Variants in NPY2R observed in about 807,000 individuals in gnomAD.
NPY2R encodes neuropeptide Y receptor type 2.
Under a neutral mutation model 22.3 loss-of-function variants are expected in NPY2R, and 17 were observed. That is an observed-to-expected ratio of 0.76 (90% confidence interval 0.52 to 1.14). The LOEUF (loss-of-function observed/expected upper bound fraction) is 1.14, where lower values mean the gene tolerates loss of function less well. NPY2R is among the 50% of genes most tolerant of loss of function. The pLI, the probability that NPY2R is intolerant of heterozygous loss-of-function variation, is 0.00. For missense variants in NPY2R, 424 were observed against 467.9 expected, an observed-to-expected ratio of 0.91 and a Z score of 0.87; for synonymous variants, 209 against 183.4, an observed-to-expected ratio of 1.14 and a Z score of -1.13.
chr4:155,190,885 CA>C, the NPY2R span, among the ~76,000 whole-genome samples: 1 of 151,898 alleles, frequency 6.6e-6, no homozygotes, highest in African/African-American at 2.4e-5. Flanking sequence ...CATTGTTACA[CA>C]AAAAGCATTT....
the NPY2R span, among the ~76,000 whole-genome samples, chr4:155,183,373 T>C: frequency 6.6e-6 from 1 of 152,160 alleles, no homozygotes; most frequent in Non-Finnish European, 1.5e-5. Flanking sequence ...TATTTCCAAA[T>C]GACTTTGCAT....
At chr4:155,191,988 G>A in the NPY2R span, among the ~76,000 whole-genome samples, 1 of 151,850 alleles carries the variant, frequency 6.6e-6, no homozygotes, top group Non-Finnish European at 1.5e-5. Context: ...ACCACTTTAT[G>A]CATCATTGTA....
At chr4:155,193,517 C>T in the NPY2R span, among the ~76,000 whole-genome samples, 58 of 151,966 alleles carry the variant, frequency 3.8e-4, no homozygotes, top group Middle Eastern at 3.4e-3. Context: ...GTCCTTGAGT[C>T]AGAGGGAAAT....
the NPY2R span, among the ~76,000 whole-genome samples, chr4:155,174,485 T>TATATA: frequency 1.4e-4 from 6 of 41,672 alleles, no homozygotes; most frequent in African/African-American, 3.8e-4. Flanking sequence ...TATATATATA[T>TATATA]TTTTTTTTTT....
chr4:155,192,133 G>T, the NPY2R span, among the ~76,000 whole-genome samples: 6 of 151,772 alleles, frequency 4.0e-5, no homozygotes, highest in African/African-American at 1.5e-4. Flanking sequence ...TCATGAAACT[G>T]CAAAATAATT....
At chr4:155,173,827 C>A in the NPY2R span, 4 of 151,942 alleles carry the variant, frequency 2.6e-5, no homozygotes, top group Admixed American at 2.0e-4. Context: ...CTCTTTTAAG[C>A]AGTATCTTTT....
At chr4:155,193,891 G>A in the NPY2R span, among the ~76,000 whole-genome samples, 4 of 151,858 alleles carry the variant, frequency 2.6e-5, no homozygotes, top group Admixed American at 1.3e-4. Flanking sequence ...AACCTGTCTC[G>A]TGTTCTCAAG....
the NPY2R span, among the ~76,000 whole-genome samples, chr4:155,188,697 AAGG>A: frequency 6.6e-6 from 1 of 152,138 alleles, no homozygotes; most frequent in Non-Finnish European, 1.5e-5. Flanking sequence ...AACAGCTAGC[AAGG>A]AGATGAAGCT....
the NPY2R span, among the ~76,000 whole-genome samples, chr4:155,187,352 G>T: frequency 6.6e-6 from 1 of 152,132 alleles, no homozygotes; most frequent in African/African-American, 2.4e-5. Context: ...CCATCATCTT[G>T]GCAGGAATCA....
At chr4:155,196,092 A>T in the NPY2R span, among the ~76,000 whole-genome samples, 1 of 152,062 alleles carries the variant, frequency 6.6e-6, no homozygotes, top group Non-Finnish European at 1.5e-5. Context: ...TATGGTCTTC[A>T]GAAGCTTAGG....
chr4:155,206,757 G>T (rs556163218), upstream of NPY2R: 3 of 152,290 alleles, frequency 2.0e-5, no homozygotes, highest in South Asian at 6.2e-4. Context: ...GAAATCAGTT[G>T]AATTTTCCAA....
chr4:155,211,460 G>A (rs1277787965), intron 1 of NPY2R, among the ~76,000 whole-genome samples: 2 of 152,136 alleles, frequency 1.3e-5, no homozygotes, highest in Non-Finnish European at 2.9e-5. Flanking sequence ...ATATTGGGCT[G>A]TCAGCAGAGA....
chr4:155,206,619 A>G (rs1729288855), upstream of NPY2R: 1 of 152,258 alleles, frequency 6.6e-6, no homozygotes, highest in African/African-American at 2.4e-5. Flanking sequence ...CTGTGGAACT[A>G]TATGAATCTA....
Position 155,214,057 on chromosome 4 carries a change from C to G in NPY2R, c.118C>G (p.Leu40Val). 1.2e-6 allele frequency: 2 copies of G among 1,613,888 alleles called. No homozygotes were observed. The highest frequency in any genetic ancestry group is 1.7e-6 in the Non-Finnish European group (2 of 1,179,820). ...ACTGGTCCCTGACCCTGAGCCAGAG[C>G]TTATAGATAGTACCAAGCTGATTGA... is the stretch of plus-strand genomic sequence containing the variant. ...GELVPDPEPELIDSTKLIEVQ... is the reference protein window; with the variant it reads ...GELVPDPEPEVIDSTKLIEVQ... Residue 40 changes from leucine to valine, a missense_variant, in exon 2 of 2, where the codon CTT (leucine) becomes GTT (valine). Leu to Val is a conservative substitution (Grantham distance 32). Transcript: ENST00000329476.
At chr4:155,205,769 T>C (rs1190024403), upstream of NPY2R, among the ~76,000 whole-genome samples, 1 of 152,062 alleles carries the variant, frequency 6.6e-6, no homozygotes, top group Non-Finnish European at 1.5e-5. Flanking sequence ...TAATATAACA[T>C]GTTACAATAT....
In NPY2R at chr4:155,213,925, G is replaced by C. The variant is rs751229318; in HGVS notation, c.-15G>C. ...CTCTTGTGCTGGTTGCAGGCCAAGT[G>C]GACCTGTACTGAAAATGGGTCCAAT... On this transcript the variant is annotated 5_prime_UTR_variant, in exon 2 of 2. Transcript: ENST00000329476. 1 of 1,611,076 alleles carries C rather than the reference G, an allele frequency of 6.2e-7. No individual in the cohort carries two copies. Among genetic ancestry groups the C allele is most frequent in the East Asian group, 2.2e-5 (1 of 44,866 alleles).
At chr4:155,190,277 T>C in the NPY2R span, among the ~76,000 whole-genome samples, 3 of 152,042 alleles carry the variant, frequency 2.0e-5, no homozygotes, top group African/African-American at 7.2e-5. Flanking sequence ...GAGAGTGAGT[T>C]AGATACCTGT....
rs1421231950 is a variant in NPY2R, at chr4:155,216,722, G to A, written c.*1637G>A. ...AAACAATATGTTAGATTAGGTGTAA[G>A]ACTTTAAGAAGCGAACAAAAAGTAA... is the stretch of plus-strand genomic sequence containing the variant. On this transcript the variant is annotated 3_prime_UTR_variant, in exon 2 of 2. Transcript: ENST00000329476. The A allele has an allele frequency of 1.2e-5, 2 of 167,012 alleles. No individual in the cohort carries two copies. Among genetic ancestry groups the A allele is most frequent in the South Asian group, 4.1e-4 (2 of 4,828 alleles). The allele number at this position is 167,012 out of a possible 1,614,324, so 10.3% of individuals were successfully genotyped here. A position where few individuals can be genotyped will look rare whatever the true frequency, so the allele number is the denominator to read the frequency against.
Position 155,214,943 on chromosome 4 carries a change from C to A in NPY2R, c.1004C>A (p.Ala335Asp). The change falls in exon 2 of 2, where the codon GCT becomes GAT. Residue 335 changes from alanine (A) to aspartate (D), a missense_variant. Coordinates refer to ENST00000329476, the MANE Select transcript of NPY2R (RefSeq NM_000910.4). ...TGGATGAACAGCAACTACAGAAAGG[C>A]TTTCCTCTCGGCCTTCCGCTGTGAG... Reference protein sequence around the residue: ...YGWMNSNYRKAFLSAFRCEQR... With the variant: ...YGWMNSNYRKDFLSAFRCEQR... 6.2e-7 allele frequency: 1 copy of A among 1,614,196 alleles called. No homozygotes were observed. The highest frequency in any genetic ancestry group is 8.5e-7 in the Non-Finnish European group (1 of 1,180,010).
Sources: allele counts gnomAD v4.1 joint callset (sites outside exome capture counted in the v4.1 genomes callset), GRCh38; gene constraint gnomAD v4.1.1; transcripts MANE v1.5; gene names NCBI Gene and HGNC (gene_info 2026-07-23, HGNC 2026-07-21).